The following EPM2A variants were observed in gnomAD, a reference collection of about 807,000 sequenced individuals.
EPM2A encodes EPM2A glucan phosphatase, laforin.
Under a neutral mutation model 26.5 loss-of-function variants are expected in EPM2A, and 21 were observed. The observed-to-expected ratio is 0.79, with a 90% CI of 0.56 to 1.14. The LOEUF (loss-of-function observed/expected upper bound fraction) is 1.14. Among genes scored for constraint, EPM2A ranks in the 50% most tolerant of loss-of-function variants. The probability of loss-of-function intolerance (pLI) is 0.00; values close to 1 mark genes in which losing one functional copy is unlikely to be tolerated. For missense variants in EPM2A, 458 were observed against 440.8 expected (o/e 1.04, Z -0.35); for synonymous variants, 217 against 177.6 (o/e 1.22, Z -1.76).
At chr6:145,473,311 AG>A (rs578003784) in intron 4 of EPM2A, among the ~76,000 whole-genome samples, 5 of 151,518 alleles carry the variant, frequency 3.3e-5, no homozygotes, top group Admixed American at 2.6e-4. Flanking sequence ...ATCAAGCAGA[AG>A]AAAAAAAAAA....
intron 4 of EPM2A, among the ~76,000 whole-genome samples, chr6:145,428,130 G>C (rs1017509939): frequency 9.5e-6 from 1 of 105,504 alleles, no homozygotes; most frequent in Non-Finnish European, 1.9e-5. Flanking sequence ...ATTTACTTTA[G>C]AGTTTCAAAA....
chr6:145,688,105 AG>A (rs1387941895), intron 1 of EPM2A, among the ~76,000 whole-genome samples: 1 of 152,192 alleles, frequency 6.6e-6, no homozygotes, highest in Non-Finnish European at 1.5e-5. Flanking sequence ...GGTCATGTTA[AG>A]AACTCAGATA....
At chr6:145,475,971 A>C (rs927033766) in intron 4 of EPM2A, among the ~76,000 whole-genome samples, 24 of 152,118 alleles carry the variant, frequency 1.6e-4, no homozygotes, top group African/African-American at 5.8e-4. Flanking sequence ...CCCTTCAATC[A>C]AAAGACAGAG....
chr6:145,689,534 A>T (rs957630960), intron 1 of EPM2A, among the ~76,000 whole-genome samples: 1 of 152,212 alleles, frequency 6.6e-6, no homozygotes, highest in African/African-American at 2.4e-5. Context: ...TATATATCCC[A>T]GACTTAGATC....
At chr6:145,442,597 C>G (rs1779079382) in intron 4 of EPM2A, among the ~76,000 whole-genome samples, 1 of 152,206 alleles carries the variant, frequency 6.6e-6, no homozygotes, top group African/African-American at 2.4e-5. Flanking sequence ...TTGGGTCCTT[C>G]CACAGCTCAA....
intron 4 of EPM2A, among the ~76,000 whole-genome samples, chr6:145,454,699 G>A (rs75342303): frequency 0.076 from 11,568 of 152,194 alleles, 470 homozygotes; most frequent in Admixed American, 0.095. Context: ...CAGTGGGCTT[G>A]AGATCTGAAT....
At chr6:145,662,171 TTCTCTC>T (rs1392861599) in intron 2 of EPM2A, among the ~76,000 whole-genome samples, 1 of 152,204 alleles carries the variant, frequency 6.6e-6, no homozygotes, top group African/African-American at 2.4e-5. Flanking sequence ...CTTCCTTCTC[TTCTCTC>T]TCTTTCTAAT....
Position 145,408,191 on chromosome 6 carries a change from T to C in EPM2A, c.556-24094A>G, listed in dbSNP as rs79948697. On this transcript the variant is annotated intron_variant, in intron 4 of 4. Transcript: ENST00000638717. ...TTGGGGTTATTTGCTATTATACAAA[T>C]AACACTGCATTTTGAGTGAGGCATT... Among the ~76,000 whole-genome samples the C allele has an allele frequency of 8.0e-3, 1,220 of 152,274 alleles. 12 individuals carry two copies. The highest frequency in any genetic ancestry group is 0.028 in the African/African-American group (1,175 of 41,582).
chr6:145,491,708 C>T, intron 4 of EPM2A: 1 of 479,538 alleles, frequency 2.1e-6, no homozygotes, highest in South Asian at 1.6e-5. Flanking sequence ...GACCTGTCCT[C>T]CTTTGCCCAG....
chr6:145,673,086 A>G (rs1779764545), intron 2 of EPM2A, among the ~76,000 whole-genome samples: 1 of 152,202 alleles, frequency 6.6e-6, no homozygotes, highest in Admixed American at 6.5e-5. Context: ...AACAATTTGG[A>G]ACACACAAAA....
chr6:145,456,143 G>A (rs1272456180), intron 4 of EPM2A, among the ~76,000 whole-genome samples: 4 of 152,184 alleles, frequency 2.6e-5, no homozygotes, highest in African/African-American at 9.7e-5. Flanking sequence ...CTGCATGGCT[G>A]TCAGAAAGTG....
chr6:145,598,294 T>C (rs1781374955), intron 2 of EPM2A, among the ~76,000 whole-genome samples: 1 of 152,150 alleles, frequency 6.6e-6, no homozygotes, highest in South Asian at 2.1e-4. Flanking sequence ...TATCTCACTG[T>C]GGTTTTGATA....
chr6:145,593,850 T>G (rs549348606), intron 2 of EPM2A, among the ~76,000 whole-genome samples: 40 of 151,868 alleles, frequency 2.6e-4, no homozygotes, highest in African/African-American at 9.2e-4. Flanking sequence ...AACTTTCACC[T>G]TAGGAAAGCA....
chr6:145,458,611 G>C (rs1421872888), intron 4 of EPM2A, among the ~76,000 whole-genome samples: 1 of 152,160 alleles, frequency 6.6e-6, no homozygotes, highest in East Asian at 1.9e-4. Flanking sequence ...GATACATTGT[G>C]AGAAAGTGGA....
intron 4 of EPM2A, among the ~76,000 whole-genome samples, chr6:145,451,653 G>A (rs940532800): frequency 6.6e-6 from 1 of 152,188 alleles, no homozygotes; most frequent in African/African-American, 2.4e-5. Flanking sequence ...ATTGTAAAAT[G>A]TAAATCAATA....
At chr6:145,449,149 G>T (rs1057252250) in intron 4 of EPM2A, among the ~76,000 whole-genome samples, 7 of 152,120 alleles carry the variant, frequency 4.6e-5, no homozygotes, top group African/African-American at 1.4e-4. Context: ...GACTATTTAC[G>T]TTAACTGGTA....
chr6:145,630,283 C>G (rs1208797122), intron 3 of EPM2A: 2 of 152,104 alleles, frequency 1.3e-5, no homozygotes, highest in Non-Finnish European at 2.9e-5. Context: ...GAAGAATGAG[C>G]AAATGTTTAA....
exon 4 of EPM2A, chr6:145,501,678 T>C: frequency 2.4e-6 from 1 of 417,458 alleles, no homozygotes; most frequent in Non-Finnish European, 5.0e-6. Flanking sequence ...TTACGAAGAT[T>C]GTCCCACTAA....
intron 2 of EPM2A, among the ~76,000 whole-genome samples, chr6:145,521,574 C>T (rs953611821): frequency 6.6e-6 from 1 of 151,916 alleles, no homozygotes; most frequent in Admixed American, 6.6e-5. Context: ...AAGCAAGAGG[C>T]AACAAATGAT....
Sources: allele counts gnomAD v4.1 joint callset (sites outside exome capture counted in the v4.1 genomes callset), GRCh38; gene constraint gnomAD v4.1.1; transcripts MANE v1.5; gene names NCBI Gene and HGNC (gene_info 2026-07-23, HGNC 2026-07-21).